The following ANKS1B variants were observed in gnomAD, a reference collection of about 807,000 sequenced individuals.
The protein encoded by ANKS1B is ankyrin repeat and sterile alpha motif domain containing 1B.
ANKS1B carries 36 observed loss-of-function variants against 148.3 expected under a neutral mutation model. The observed-to-expected ratio is 0.24, with a 90% CI of 0.19 to 0.32. The LOEUF is 0.32. Ranked by LOEUF, ANKS1B falls within the 10% of genes least tolerant of loss-of-function variation. The pLI, the probability that ANKS1B is intolerant of heterozygous loss-of-function variation, is 1.00. For synonymous variants in ANKS1B, 542 were observed against 560.8 expected, an observed-to-expected ratio of 0.97 and a Z score of 0.47; for missense variants, 1,157 against 1,542.6, an observed-to-expected ratio of 0.75 and a Z score of 4.19.
chr12:99,341,723 T>C (rs1182711131), intron 12 of ANKS1B, among the ~76,000 whole-genome samples: 1 of 152,080 alleles, frequency 6.6e-6, no homozygotes, highest in African/African-American at 2.4e-5. Context: ...ATCTGGTAAG[T>C]ACTGTAAGTA....
chr12:99,226,967 T>G (rs1042276130), intron 14 of ANKS1B, among the ~76,000 whole-genome samples: 8 of 152,184 alleles, frequency 5.3e-5, no homozygotes, highest in Non-Finnish European at 1.2e-4. Flanking sequence ...GCAGACATCA[T>G]GATGGGGATG....
At chr12:98,844,692 A>G (rs1158619295) in intron 17 of ANKS1B, among the ~76,000 whole-genome samples, 1 of 152,198 alleles carries the variant, frequency 6.6e-6, no homozygotes, top group Non-Finnish European at 1.5e-5. Context: ...TTGTACATCT[A>G]TAGCCAAGAG....
intron 12 of ANKS1B, among the ~76,000 whole-genome samples, chr12:99,361,200 T>C (rs1263494518): frequency 1.3e-5 from 2 of 152,096 alleles, no homozygotes; most frequent in Non-Finnish European, 1.5e-5. Flanking sequence ...TTATTTCCCA[T>C]TGCATGACTG....
chr12:99,789,927 G>C (rs1380184677), intron 4 of ANKS1B, among the ~76,000 whole-genome samples: 1 of 151,512 alleles, frequency 6.6e-6, no homozygotes. Context: ...TTGAGAAATA[G>C]TTAGGGGTAG....
At chr12:98,769,794 G>A (rs998951664) in intron 25 of ANKS1B, among the ~76,000 whole-genome samples, 1 of 152,136 alleles carries the variant, frequency 6.6e-6, no homozygotes, top group Non-Finnish European at 1.5e-5. Context: ...TGAAAGAAAT[G>A]CTGCAATACT....
chr12:99,231,198 T>C (rs1455433754), intron 14 of ANKS1B, among the ~76,000 whole-genome samples: 1 of 152,116 alleles, frequency 6.6e-6, no homozygotes, highest in Non-Finnish European at 1.5e-5. Flanking sequence ...TACATGACTA[T>C]GTGGCCTGTG....
At chr12:98,859,827 G>A (rs115693678) in intron 17 of ANKS1B, among the ~76,000 whole-genome samples, 1,714 of 152,174 alleles carry the variant, frequency 0.011, 30 homozygotes, top group African/African-American at 0.039. Context: ...CTTTTGGGAG[G>A]GAGGCTTTTC....
intron 17 of ANKS1B, among the ~76,000 whole-genome samples, chr12:99,030,378 G>A (rs2099951291): frequency 6.6e-6 from 1 of 152,108 alleles, no homozygotes; most frequent in Non-Finnish European, 1.5e-5. Context: ...AGTTACACAT[G>A]GGAGTCAACA....
chr12:99,383,258 G>A, intron 12 of ANKS1B, among the ~76,000 whole-genome samples: 1 of 152,202 alleles, frequency 6.6e-6, no homozygotes, highest in Non-Finnish European at 1.5e-5. Context: ...TTGAAAAAAA[G>A]GTAATTGCCC....
At chr12:99,832,201 C>G (rs774373081) in intron 1 of ANKS1B, among the ~76,000 whole-genome samples, 2 of 152,178 alleles carry the variant, frequency 1.3e-5, no homozygotes, top group Non-Finnish European at 2.9e-5. Context: ...TTAGACCCAA[C>G]AACTCCACTT....
At chr12:99,129,387 G>C (rs894257689) in intron 15 of ANKS1B, among the ~76,000 whole-genome samples, 3 of 152,222 alleles carry the variant, frequency 2.0e-5, no homozygotes, top group Non-Finnish European at 4.4e-5. Flanking sequence ...GGTGGGGCAA[G>C]ACTGAGGCTC....
chr12:99,113,609 T>C (rs1246790193), intron 15 of ANKS1B, among the ~76,000 whole-genome samples: 2 of 152,224 alleles, frequency 1.3e-5, no homozygotes, highest in Non-Finnish European at 2.9e-5. Context: ...TCTTTATGTC[T>C]CTTTCCACAT....
intron 9 of ANKS1B, among the ~76,000 whole-genome samples, chr12:99,640,010 G>A (rs956397509): frequency 4.0e-5 from 6 of 151,846 alleles, no homozygotes; most frequent in Non-Finnish European, 8.8e-5. Flanking sequence ...CATCTCTACT[G>A]AAAATACAAA....
chr12:98,755,411 T>C (rs1379189938), intron 25 of ANKS1B, among the ~76,000 whole-genome samples: 8 of 152,346 alleles, frequency 5.3e-5, no homozygotes, highest in African/African-American at 1.4e-4. Context: ...CCCAACTGTC[T>C]CTGCCTTCAA....
At chr12:99,133,208 C>A (rs529423118) in intron 15 of ANKS1B, among the ~76,000 whole-genome samples, 1 of 151,856 alleles carries the variant, frequency 6.6e-6, no homozygotes, top group Non-Finnish European at 1.5e-5. Context: ...CATGCCACCA[C>A]GCCCAGCTAT....
At chr12:99,641,625 C>T (rs2098307212) in intron 9 of ANKS1B, among the ~76,000 whole-genome samples, 1 of 152,038 alleles carries the variant, frequency 6.6e-6, no homozygotes, top group Non-Finnish European at 1.5e-5. Context: ...ATCATTTTTT[C>T]AATTTGGACA....
At chr12:99,217,921 A>AATCTTC (rs1343423687) in intron 14 of ANKS1B, among the ~76,000 whole-genome samples, 1 of 152,178 alleles carries the variant, frequency 6.6e-6, no homozygotes, top group East Asian at 1.9e-4. Context: ...GTAAGTAATG[A>AATCTTC]ATCTTCAATT....
intron 8 of ANKS1B, among the ~76,000 whole-genome samples, chr12:99,759,361 G>T (rs1034897088): frequency 6.6e-6 from 1 of 151,924 alleles, no homozygotes; most frequent in African/African-American, 2.4e-5. Context: ...CTATCATAGA[G>T]AATCCCAATT....
At chr12:99,230,388 T>C (rs1027198322) in intron 14 of ANKS1B, among the ~76,000 whole-genome samples, 1 of 152,098 alleles carries the variant, frequency 6.6e-6, no homozygotes, top group Non-Finnish European at 1.5e-5. Context: ...ATGAAAAATA[T>C]TCTACTACTA....
Sources: allele counts gnomAD v4.1 joint callset (sites outside exome capture counted in the v4.1 genomes callset), GRCh38; gene constraint gnomAD v4.1.1; transcripts MANE v1.5; gene names NCBI Gene and HGNC (gene_info 2026-07-23, HGNC 2026-07-21).